Variants in PTPRD observed in about 807,000 individuals in gnomAD.
The protein encoded by PTPRD is receptor-type tyrosine-protein phosphatase delta.
PTPRD carries 34 observed loss-of-function variants against 214.5 expected under a neutral mutation model. The observed-to-expected ratio is 0.16, with a 90% CI of 0.12 to 0.21. The LOEUF (loss-of-function observed/expected upper bound fraction) is 0.21, where lower values mean the gene tolerates loss of function less well. PTPRD is among the 10% of genes least tolerant of loss of function. The probability of loss-of-function intolerance (pLI) is 1.00; values close to 1 mark genes in which losing one functional copy is unlikely to be tolerated. For missense variants in PTPRD, 2,545 were observed against 2,398.7 expected, an observed-to-expected ratio of 1.06 and a Z score of -1.27; for synonymous variants, 1,128 against 845.7, an observed-to-expected ratio of 1.33 and a Z score of -5.79.
chr9:10,282,488 T>C (rs949225518), intron 3 of PTPRD, among the ~76,000 whole-genome samples: 2 of 152,146 alleles, frequency 1.3e-5, no homozygotes, highest in African/African-American at 4.8e-5. Context: ...CCAGGGTACT[T>C]ATTTTATTAT....
chr9:8,671,780 G>A (rs1427636844), intron 12 of PTPRD, among the ~76,000 whole-genome samples: 1 of 152,124 alleles, frequency 6.6e-6, no homozygotes, highest in Non-Finnish European at 1.5e-5. Flanking sequence ...TAGAAAACAC[G>A]CCGCGTGCCT....
intron 2 of PTPRD, among the ~76,000 whole-genome samples, chr9:10,537,762 T>G (rs778756359): frequency 5.3e-5 from 8 of 152,136 alleles, no homozygotes; most frequent in Non-Finnish European, 8.8e-5. Flanking sequence ...TATAATCTCA[T>G]AAAAGTTTCC....
intron 14 of PTPRD, among the ~76,000 whole-genome samples, chr9:8,566,883 G>T (rs981735678): frequency 1.3e-5 from 2 of 152,072 alleles, no homozygotes; most frequent in African/African-American, 4.8e-5. Flanking sequence ...ACTGCCTTGG[G>T]TAGATCTGGT....
intron 11 of PTPRD, among the ~76,000 whole-genome samples, chr9:8,753,396 G>A (rs116916040): frequency 0.013 from 2,031 of 152,258 alleles, 25 homozygotes; most frequent in Non-Finnish European, 0.022. Flanking sequence ...AGGTTCTGCC[G>A]GGGGATAAAT....
intron 14 of PTPRD, among the ~76,000 whole-genome samples, chr9:8,576,181 C>T (rs1416552434): frequency 6.6e-6 from 1 of 152,052 alleles, no homozygotes; most frequent in Admixed American, 6.6e-5. Context: ...GCACACTTTT[C>T]AACCAATTGT....
chr9:9,966,252 A>G (rs1449388106), intron 4 of PTPRD, among the ~76,000 whole-genome samples: 1 of 152,158 alleles, frequency 6.6e-6, no homozygotes. Flanking sequence ...CTAATTTATC[A>G]ATAAAATATA....
chr9:10,447,731 C>A (rs1225320932), intron 2 of PTPRD, among the ~76,000 whole-genome samples: 1 of 151,958 alleles, frequency 6.6e-6, no homozygotes, highest in Admixed American at 6.5e-5. Context: ...GATCTACCAC[C>A]CAGTTTCCTT....
chr9:10,060,012 T>G (rs749623138), intron 3 of PTPRD, among the ~76,000 whole-genome samples: 2 of 152,080 alleles, frequency 1.3e-5, no homozygotes, highest in African/African-American at 4.8e-5. Context: ...TATCAACCAA[T>G]GAAAAAATCT....
chr9:10,082,166 A>G (rs531727638), intron 3 of PTPRD, among the ~76,000 whole-genome samples: 1 of 152,238 alleles, frequency 6.6e-6, no homozygotes, highest in African/African-American at 2.4e-5. Context: ...AAGCAATTTC[A>G]CAAATCTACT....
Position 10,167,182 on chromosome 9 carries a change from G to A in PTPRD, c.-544-133392C>T, listed in dbSNP as rs187934086. Among the ~76,000 whole-genome samples, 11 of 151,444 alleles carry A rather than the reference G, an allele frequency of 7.3e-5. No homozygotes were observed. The East Asian group carries it at 2.1e-3, about 29-fold the overall frequency. ...AAGCTTATGGAGTAGTATGGAGCCTGATGTGTATTTCAGAGAGAATTAAGA... is the reference window on the plus strand; with the variant it reads ...AAGCTTATGGAGTAGTATGGAGCCTAATGTGTATTTCAGAGAGAATTAAGA... On this transcript the variant is annotated intron_variant, in intron 3 of 45. Coordinates refer to ENST00000381196, the MANE Select transcript of PTPRD (RefSeq NM_002839.4).
At chr9:8,970,546 G>A (rs912625977) in intron 11 of PTPRD, among the ~76,000 whole-genome samples, 2 of 151,748 alleles carry the variant, frequency 1.3e-5, no homozygotes, top group East Asian at 1.9e-4. Flanking sequence ...TGAATTCTAT[G>A]AGACAGCAAA....
At chr9:10,075,093 G>A (rs1022584320) in intron 3 of PTPRD, among the ~76,000 whole-genome samples, 1 of 151,978 alleles carries the variant, frequency 6.6e-6, no homozygotes, top group Non-Finnish European at 1.5e-5. Flanking sequence ...ATATTGATAT[G>A]GGCATCACAT....
chr9:10,279,607 G>A (rs543995221), intron 3 of PTPRD, among the ~76,000 whole-genome samples: 3 of 151,380 alleles, frequency 2.0e-5, no homozygotes, highest in South Asian at 4.2e-4. Flanking sequence ...CTACTTTCAC[G>A]TGTCTACTCA....
chr9:8,497,502 G>A (rs1234908325), intron 25 of PTPRD, among the ~76,000 whole-genome samples: 6 of 152,144 alleles, frequency 3.9e-5, no homozygotes, highest in Admixed American at 3.3e-4. Flanking sequence ...TTCTTTAAAT[G>A]TATGGTTCAC....
At chr9:8,405,695 G>T (rs1030033085) in intron 35 of PTPRD, among the ~76,000 whole-genome samples, 1 of 151,970 alleles carries the variant, frequency 6.6e-6, no homozygotes, top group Non-Finnish European at 1.5e-5. Flanking sequence ...GATTTTAAAC[G>T]ATCAAAATCA....
At chr9:9,368,306 T>C (rs948886571) in intron 9 of PTPRD, among the ~76,000 whole-genome samples, 6 of 124,134 alleles carry the variant, frequency 4.8e-5, no homozygotes, top group African/African-American at 1.9e-4. Flanking sequence ...ATGAGGTTTA[T>C]ATGAGCTCAC....
chr9:9,138,154 T>C (rs1267312309), intron 10 of PTPRD, among the ~76,000 whole-genome samples: 2 of 151,834 alleles, frequency 1.3e-5, no homozygotes, highest in African/African-American at 4.8e-5. Flanking sequence ...TTTTTTTTTC[T>C]TCTGGAAACA....
chr9:9,857,467 A>G (rs1388011846), intron 5 of PTPRD, among the ~76,000 whole-genome samples: 1 of 152,152 alleles, frequency 6.6e-6, no homozygotes, highest in Non-Finnish European at 1.5e-5. Flanking sequence ...TATTTATCTC[A>G]AACCATTTTC....
intron 2 of PTPRD, among the ~76,000 whole-genome samples, chr9:10,606,297 A>T (rs2079322802): frequency 6.6e-6 from 1 of 151,888 alleles, no homozygotes; most frequent in Admixed American, 6.6e-5. Context: ...TTCTGTCTCT[A>T]GCGTGAGATT....
Sources: allele counts gnomAD v4.1 joint callset (sites outside exome capture counted in the v4.1 genomes callset), GRCh38; gene constraint gnomAD v4.1.1; transcripts MANE v1.5; gene names NCBI Gene and HGNC (gene_info 2026-07-23, HGNC 2026-07-21).